Variants in KCNMA1 observed in about 807,000 individuals in gnomAD.
The protein encoded by KCNMA1 is potassium calcium-activated channel subfamily M alpha 1.
Under a neutral mutation model 140.0 loss-of-function variants are expected in KCNMA1, and 29 were observed. The ratio of observed to expected loss-of-function variants is 0.21; its 90% confidence interval spans 0.15 to 0.28. KCNMA1 has a LOEUF of 0.28. Among genes scored for constraint, KCNMA1 ranks in the 10% least tolerant of loss-of-function variants. The pLI is 1.00. For synonymous variants in KCNMA1, 612 were observed against 611.9 expected, an observed-to-expected ratio of 1.00 and a Z score of 0.00; for missense variants, 880 against 1,602.2, an observed-to-expected ratio of 0.55 and a Z score of 7.70.
At chr10:77,544,612 G>A (rs144687738) in intron 1 of KCNMA1, among the ~76,000 whole-genome samples, 6 of 152,160 alleles carry the variant, frequency 3.9e-5, no homozygotes, top group East Asian at 3.9e-4. Context: ...TGAGCTAAGC[G>A]TATTCTTTAA....
intron 4 of KCNMA1, among the ~76,000 whole-genome samples, chr10:77,184,346 A>G (rs2098829446): frequency 6.6e-6 from 1 of 151,982 alleles, no homozygotes; most frequent in Non-Finnish European, 1.5e-5. Flanking sequence ...CAGCCTCCTG[A>G]GTAGCTGGGA....
rs1038399022 is a variant in KCNMA1, at chr10:77,069,775, C to T, written c.1749+3322G>A. ...TATTTCTTGGTACCTCCAGGCTGGG[C>T]CTCTTTTGTAATTCCTGTATGCCAG... On this transcript the variant is annotated intron_variant, in intron 14 of 27. Transcript: ENST00000286628. Among the ~76,000 whole-genome samples the T allele has an allele frequency of 2.0e-5, 3 of 152,092 alleles. No individual in the cohort carries two copies. The East Asian group carries it at 5.8e-4, about 29-fold the overall frequency.
chr10:76,873,360 A>G (rs1170364868), downstream of KCNMA1: 1 of 152,200 alleles, frequency 6.6e-6, no homozygotes, highest in African/African-American at 2.4e-5. Flanking sequence ...TGTCTCATAA[A>G]TAAATCCAAA....
intron 2 of KCNMA1, among the ~76,000 whole-genome samples, chr10:77,340,844 T>C (rs1302421689): frequency 6.7e-6 from 1 of 148,988 alleles, no homozygotes; most frequent in Admixed American, 6.7e-5. Flanking sequence ...ACATGTACCC[T>C]AGAACTTAAA....
chr10:77,213,406 C>A (rs1473241523), intron 3 of KCNMA1, among the ~76,000 whole-genome samples: 2 of 152,176 alleles, frequency 1.3e-5, no homozygotes, highest in Non-Finnish European at 2.9e-5. Flanking sequence ...GCACTCACAT[C>A]TCCAAGAACC....
In KCNMA1 at chr10:77,027,300, C is replaced by T. The variant is rs1323547391; in HGVS notation, c.1928+523G>A. Among the ~76,000 whole-genome samples the T allele has an allele frequency of 2.0e-5, 3 of 152,298 alleles. No homozygotes were observed. In the South Asian group the frequency reaches 6.2e-4, roughly 32 times the overall value. ...AGAGAGCTCCTGCCTCTGAGCTCCA[C>T]TCTCCTGGCTCATTTACATGAAGCT... On this transcript the variant is annotated intron_variant, in intron 16 of 27. Coordinates refer to ENST00000286628, the MANE Select transcript of KCNMA1 (RefSeq NM_001161352.2).
chr10:77,043,958 C>T (rs12248504), intron 14 of KCNMA1, among the ~76,000 whole-genome samples: 20,841 of 152,190 alleles, frequency 0.14, 1,530 homozygotes, highest in Middle Eastern at 0.19. Context: ...CACTGAACTA[C>T]ATGCTTAAAA....
At chr10:77,339,136 GT>G (rs34736679) in intron 2 of KCNMA1, among the ~76,000 whole-genome samples, 1 of 151,152 alleles carries the variant, frequency 6.6e-6, no homozygotes, top group African/African-American at 2.4e-5. Context: ...GTAAGGAAGT[GT>G]TTTTTTAATG....
chr10:77,565,194 G>A (rs1180259992), intron 1 of KCNMA1, among the ~76,000 whole-genome samples: 1 of 152,172 alleles, frequency 6.6e-6, no homozygotes, highest in Non-Finnish European at 1.5e-5. Flanking sequence ...CCTGCAAGTG[G>A]TTACCTTCCC....
chr10:76,916,012 A>T (rs915780293), intron 23 of KCNMA1, among the ~76,000 whole-genome samples: 1 of 144,500 alleles, frequency 6.9e-6, no homozygotes, highest in Non-Finnish European at 1.5e-5. Flanking sequence ...GATTTTATAC[A>T]CATAAACACA....
chr10:77,421,464 GC>G (rs1007049250), intron 1 of KCNMA1, among the ~76,000 whole-genome samples: 3 of 152,192 alleles, frequency 2.0e-5, no homozygotes, highest in African/African-American at 7.2e-5. Context: ...TCTGTAAAGG[GC>G]CAGATAGGAA....
At chr10:77,440,874 A>G (rs2097381931) in intron 1 of KCNMA1, among the ~76,000 whole-genome samples, 2 of 152,202 alleles carry the variant, frequency 1.3e-5, no homozygotes, top group South Asian at 2.1e-4. Context: ...GCTGGAGTGC[A>G]GTGGCACGAT....
intron 1 of KCNMA1, among the ~76,000 whole-genome samples, chr10:77,445,557 T>C (rs914938027): frequency 2.6e-5 from 4 of 152,120 alleles, no homozygotes; most frequent in Non-Finnish European, 4.4e-5. Context: ...ACTCTATCTG[T>C]AGAGTAATTG....
At chr10:76,880,617 G>A (rs1191024776), downstream of KCNMA1, among the ~76,000 whole-genome samples, 3 of 152,162 alleles carry the variant, frequency 2.0e-5, no homozygotes, top group Non-Finnish European at 4.4e-5. Context: ...TTCAATGATC[G>A]CCAGCCATTC....
At chr10:77,182,072 C>T (rs964924623) in intron 5 of KCNMA1, among the ~76,000 whole-genome samples, 33 of 152,074 alleles carry the variant, frequency 2.2e-4, no homozygotes, top group African/African-American at 7.0e-4. Context: ...GGATTGCTAG[C>T]GGAAGCCTAT....
At chr10:77,017,303 A>G (rs1212166796) in intron 17 of KCNMA1, among the ~76,000 whole-genome samples, 1 of 152,122 alleles carries the variant, frequency 6.6e-6, no homozygotes, top group Non-Finnish European at 1.5e-5. Context: ...TGGTGCTGAG[A>G]TGCTGTTTCA....
intron 1 of KCNMA1, among the ~76,000 whole-genome samples, chr10:77,424,686 G>C (rs996206989): frequency 2.0e-5 from 3 of 152,198 alleles, no homozygotes; most frequent in Admixed American, 2.0e-4. Context: ...TGACACCAGG[G>C]AGGAAGAGAG....
At position 77,603,500 on chromosome 10, in the gene KCNMA1, G is replaced by A. The variant is rs117333648; in HGVS notation, c.378+33765C>T. Among the ~76,000 whole-genome samples the A allele has an allele frequency of 3.4e-3, 521 of 152,284 alleles. 2 individuals carry two copies. The highest frequency in any genetic ancestry group is 5.3e-3 in the Non-Finnish European group (362 of 68,026). ...GTCCCTTCAGGAGAACAGGGTCTGAGCATTTGTGTCATAAGCAGGGAAGGA... is the reference window on the plus strand; with the variant it reads ...GTCCCTTCAGGAGAACAGGGTCTGAACATTTGTGTCATAAGCAGGGAAGGA... On this transcript the variant is annotated intron_variant, in intron 1 of 27. Coordinates refer to ENST00000286628, the MANE Select transcript of KCNMA1 (RefSeq NM_001161352.2).
chr10:77,186,175 T>C (rs2154130351), intron 3 of KCNMA1, among the ~76,000 whole-genome samples: 1 of 152,246 alleles, frequency 6.6e-6, no homozygotes, highest in Non-Finnish European at 1.5e-5. Context: ...TAAGTTAGTC[T>C]GTGGGAATCT....
Sources: allele counts gnomAD v4.1 joint callset (sites outside exome capture counted in the v4.1 genomes callset), GRCh38; gene constraint gnomAD v4.1.1; transcripts MANE v1.5; gene names NCBI Gene and HGNC (gene_info 2026-07-23, HGNC 2026-07-21).